Variants in MAGI2 observed in about 807,000 individuals in gnomAD.
MAGI2 encodes membrane-associated guanylate kinase, WW and PDZ domain-containing protein 2.
Under a neutral mutation model 133.3 loss-of-function variants are expected in MAGI2, and 35 were observed. The observed-to-expected ratio is 0.26, with a 90% CI of 0.20 to 0.35. The LOEUF is 0.35. MAGI2 is among the 10% of genes least tolerant of loss of function. The pLI is 1.00. For missense variants in MAGI2, 1,636 were observed against 1,863.4 expected (o/e 0.88, Z 2.25); for synonymous variants, 729 against 710.6 (o/e 1.03, Z -0.41).
Position 78,779,325 on chromosome 7 carries a change from C to T in MAGI2, c.419-152086G>A, listed in dbSNP as rs144894808. On this transcript the variant is annotated intron_variant, in intron 2 of 21. Coordinates refer to ENST00000354212, the MANE Select transcript of MAGI2 (RefSeq NM_012301.4). ...ATCTCCTTAGTTCACCTGACATTTG[C>T]CTGAATGGCTTTCACTATTTAAGTA... Among the ~76,000 whole-genome samples the T allele has an allele frequency of 2.6e-3, 390 of 152,224 alleles. 1 individual carries two copies. Among genetic ancestry groups the T allele is most frequent in the African/African-American group, 8.9e-3 (369 of 41,530 alleles).
At chr7:78,219,523 C>A (rs760458436) in intron 10 of MAGI2, among the ~76,000 whole-genome samples, 1 of 152,136 alleles carries the variant, frequency 6.6e-6, no homozygotes, top group Non-Finnish European at 1.5e-5. Flanking sequence ...TCTCGTACTA[C>A]TGAAAACATC....
intron 1 of MAGI2, among the ~76,000 whole-genome samples, chr7:79,069,720 T>C (rs1028824163): frequency 3.9e-5 from 6 of 152,214 alleles, no homozygotes; most frequent in African/African-American, 1.4e-4. Context: ...TACAATTTGG[T>C]ATGTTTTTGC....
Position 78,509,606 on chromosome 7 carries a change from A to G in MAGI2, c.755-7819T>C, listed in dbSNP as rs527311529. On this transcript the variant is annotated intron_variant, in intron 4 of 21. Coordinates refer to ENST00000354212, the MANE Select transcript of MAGI2 (RefSeq NM_012301.4). ...AGGTTTTGATATTACAAAAATATGC[A>G]TGGCAGCCATTCCGTTTGCTTTCTT... 3.9e-5 allele frequency among the ~76,000 whole-genome samples: 6 copies of G among 152,306 alleles called. No individual in the cohort carries two copies. In the East Asian group the frequency reaches 1.2e-3, roughly 29 times the overall value.
At chr7:78,646,348 A>G (rs1478796930) in intron 2 of MAGI2, among the ~76,000 whole-genome samples, 2 of 152,204 alleles carry the variant, frequency 1.3e-5, no homozygotes, top group Non-Finnish European at 2.9e-5. Context: ...TAATCATATA[A>G]GAGTATGGAA....
At chr7:78,254,415 T>C (rs1792751725) in intron 10 of MAGI2, 1 of 152,214 alleles carries the variant, frequency 6.6e-6, no homozygotes, top group Non-Finnish European at 1.5e-5. Context: ...GATATGGCTA[T>C]TTAATTAGCA....
Position 78,276,686 on chromosome 7 carries a change from T to C in MAGI2, c.1409-20105A>G, listed in dbSNP as rs182185877. On this transcript the variant is annotated intron_variant, in intron 9 of 21. Coordinates refer to ENST00000354212, the MANE Select transcript of MAGI2 (RefSeq NM_012301.4). ...AGATAATTGCAGTTATGAGTTACCT[T>C]ACATATTATATGTATATGAAATATA... 1.2e-3 allele frequency among the ~76,000 whole-genome samples: 178 copies of C among 152,286 alleles called. 1 individual carries two copies. The highest frequency in any genetic ancestry group is 4.1e-3 in the African/African-American group (171 of 41,568).
intron 1 of MAGI2, among the ~76,000 whole-genome samples, chr7:79,235,033 G>T (rs1172844583): frequency 6.6e-6 from 1 of 151,586 alleles, no homozygotes; most frequent in Non-Finnish European, 1.5e-5. Context: ...TCAGCTGCAG[G>T]TCTGTTGGAA....
intron 1 of MAGI2, among the ~76,000 whole-genome samples, chr7:79,026,175 T>TAATTAATCAAATATATTCTCTATTGCCC (rs1202019509): frequency 5.3e-5 from 8 of 152,306 alleles, no homozygotes; most frequent in Admixed American, 4.6e-4. Context: ...AAAGAATACA[T>TAATTAATCAAATATATTCTCTATTGCCC]AATTAATCAA....
intron 2 of MAGI2, among the ~76,000 whole-genome samples, chr7:78,827,681 C>T (rs1790783260): frequency 1.3e-5 from 2 of 152,160 alleles, no homozygotes; most frequent in African/African-American, 4.8e-5. Flanking sequence ...TAAATTCACA[C>T]TTACAATTTG....
intron 10 of MAGI2, among the ~76,000 whole-genome samples, chr7:78,204,361 C>G (rs1829539584): frequency 6.6e-6 from 1 of 152,078 alleles, no homozygotes; most frequent in Admixed American, 6.5e-5. Flanking sequence ...AGGCTTGGTT[C>G]TCCTGAAAAT....
intron 1 of MAGI2, among the ~76,000 whole-genome samples, chr7:79,188,290 C>G (rs560560007): frequency 2.0e-5 from 3 of 151,772 alleles, no homozygotes; most frequent in African/African-American, 7.3e-5. Flanking sequence ...CCCGCCTCCC[C>G]CAACAGACCC....
chr7:79,339,601 GT>G (rs1840741341), intron 1 of MAGI2, among the ~76,000 whole-genome samples: 1 of 151,478 alleles, frequency 6.6e-6, no homozygotes, highest in Non-Finnish European at 1.5e-5. Context: ...ATTTCCTTTA[GT>G]CTTAGTTCTA....
intron 15 of MAGI2, among the ~76,000 whole-genome samples, chr7:78,165,099 T>C (rs1428636940): frequency 6.6e-6 from 1 of 152,158 alleles, no homozygotes; most frequent in Non-Finnish European, 1.5e-5. Flanking sequence ...TAAAAATAAA[T>C]GAATAAAAGA....
chr7:78,899,544 T>C (rs1446617096), intron 2 of MAGI2, among the ~76,000 whole-genome samples: 2 of 152,164 alleles, frequency 1.3e-5, no homozygotes, highest in East Asian at 1.9e-4. Context: ...ATCTACTAAG[T>C]AGTCAACATA....
intron 1 of MAGI2, among the ~76,000 whole-genome samples, chr7:79,028,499 A>G (rs1260576198): frequency 5.3e-5 from 8 of 151,468 alleles, no homozygotes; most frequent in Admixed American, 5.3e-4. Context: ...TCCTATGGGT[A>G]GGCTCAAGGA....
chr7:78,673,642 T>C (rs1383978034), intron 2 of MAGI2, among the ~76,000 whole-genome samples: 1 of 152,064 alleles, frequency 6.6e-6, no homozygotes, highest in Non-Finnish European at 1.5e-5. Flanking sequence ...GACATTTTTG[T>C]TCTGTTCAGA....
At chr7:78,406,980 C>CA (rs1004459264) in intron 6 of MAGI2, among the ~76,000 whole-genome samples, 34 of 151,680 alleles carry the variant, frequency 2.2e-4, no homozygotes, top group Non-Finnish European at 2.7e-4. Flanking sequence ...ACATGCAGCA[C>CA]AAAAAAAGCC....
intron 2 of MAGI2, among the ~76,000 whole-genome samples, chr7:78,944,195 T>A (rs1366101051): frequency 6.6e-6 from 1 of 152,178 alleles, no homozygotes; most frequent in African/African-American, 2.4e-5. Context: ...CCTACACTCA[T>A]ACTATTGCAC....
chr7:79,128,308 A>G (rs2129545130), intron 1 of MAGI2, among the ~76,000 whole-genome samples: 1 of 152,286 alleles, frequency 6.6e-6, no homozygotes, highest in South Asian at 2.1e-4. Context: ...AGACATGTCA[A>G]AAAGTACCCC....
Sources: allele counts gnomAD v4.1 joint callset (sites outside exome capture counted in the v4.1 genomes callset), GRCh38; gene constraint gnomAD v4.1.1; transcripts MANE v1.5; gene names NCBI Gene and HGNC (gene_info 2026-07-23, HGNC 2026-07-21).